The following ZNF385D variants were observed in gnomAD, a reference collection of about 807,000 sequenced individuals.
ZNF385D encodes zinc finger protein 659.
Under a neutral mutation model 35.8 loss-of-function variants are expected in ZNF385D, and 15 were observed. The observed-to-expected ratio is 0.42, with a 90% CI of 0.28 to 0.64. The LOEUF (loss-of-function observed/expected upper bound fraction) is 0.64. Ranked by LOEUF, ZNF385D falls within the 30% of genes least tolerant of loss-of-function variation. The pLI is 0.23. For missense variants in ZNF385D, 474 were observed against 494.6 expected (o/e 0.96, Z 0.39); for synonymous variants, 212 against 186.8 (o/e 1.13, Z -1.10).
At chr3:21,873,047 A>T (rs138784141) in intron 3 of ZNF385D, among the ~76,000 whole-genome samples, 1 of 152,174 alleles carries the variant, frequency 6.6e-6, no homozygotes, top group African/African-American at 2.4e-5. Context: ...CATATAATAA[A>T]ATTTAATTCT....
rs573078415 is a variant in ZNF385D at position 21,751,016 on chromosome 3, A to T, written c.-100T>A. On this transcript the variant is annotated 5_prime_UTR_variant, in exon 1 of 8. Transcript: ENST00000281523. ...CCCTTTCATGCTACATTCGGTGGAAATGTCCCCGGCGTGGAGAGCAGTGAG... is the reference window on the plus strand; with the variant it reads ...CCCTTTCATGCTACATTCGGTGGAATTGTCCCCGGCGTGGAGAGCAGTGAG... The T allele has an allele frequency of 4.4e-6, 7 of 1,604,604 alleles. No homozygotes were observed. The African/African-American group carries it at 5.4e-5, about 12-fold the overall frequency.
chr3:22,114,125 C>T (rs544393486), intron 3 of ZNF385D, among the ~76,000 whole-genome samples: 1 of 151,980 alleles, frequency 6.6e-6, no homozygotes, highest in African/African-American at 2.4e-5. Context: ...TTTACAGTAA[C>T]TGGATGAAAA....
At chr3:21,440,502 T>C (rs1018323645) in intron 4 of ZNF385D, among the ~76,000 whole-genome samples, 1 of 152,024 alleles carries the variant, frequency 6.6e-6, no homozygotes, top group African/African-American at 2.4e-5. Context: ...GAGAAATCAG[T>C]GTAACATGGG....
intron 4 of ZNF385D, among the ~76,000 whole-genome samples, chr3:21,472,624 C>T (rs192295287): frequency 2.8e-4 from 43 of 152,286 alleles, no homozygotes; most frequent in African/African-American, 1.0e-3. Flanking sequence ...TGCGAACAAA[C>T]TGCATCTTAA....
chr3:22,258,681 G>T (rs756455209), intron 2 of ZNF385D, among the ~76,000 whole-genome samples: 83 of 151,692 alleles, frequency 5.5e-4, no homozygotes, highest in Non-Finnish European at 5.0e-4. Flanking sequence ...TTCTATTTAT[G>T]TGGGTTATAT....
intron 2 of ZNF385D, among the ~76,000 whole-genome samples, chr3:22,349,337 A>G (rs1284300996): frequency 2.0e-5 from 3 of 152,180 alleles, no homozygotes; most frequent in African/African-American, 4.8e-5. Flanking sequence ...TCACAATGTG[A>G]ATAGTGTTCC....
chr3:22,245,498 A>G (rs1179731351), intron 2 of ZNF385D, among the ~76,000 whole-genome samples: 3 of 149,292 alleles, frequency 2.0e-5, no homozygotes, highest in Admixed American at 1.3e-4. Context: ...AAAAAAAAAT[A>G]CAAACCCAGA....
intron 3 of ZNF385D, among the ~76,000 whole-genome samples, chr3:21,928,244 A>G (rs1183990726): frequency 1.5e-5 from 2 of 137,656 alleles, no homozygotes; most frequent in Non-Finnish European, 3.1e-5. Flanking sequence ...AGACGGAAGG[A>G]AGAAAGGAAG....
intron 3 of ZNF385D, among the ~76,000 whole-genome samples, chr3:21,801,942 A>G (rs1376468573): frequency 2.6e-5 from 4 of 152,092 alleles, no homozygotes; most frequent in Non-Finnish European, 5.9e-5. Flanking sequence ...TAATGAAGCC[A>G]TGGGTGTTTT....
At chr3:22,047,830 T>C (rs966738200) in intron 3 of ZNF385D, among the ~76,000 whole-genome samples, 1 of 152,164 alleles carries the variant, frequency 6.6e-6, no homozygotes, top group African/African-American at 2.4e-5. Context: ...CATACTGTTT[T>C]CCATAATGGC....
At chr3:21,568,560 G>T (rs1260714838) in intron 2 of ZNF385D, among the ~76,000 whole-genome samples, 1 of 152,028 alleles carries the variant, frequency 6.6e-6, no homozygotes, top group East Asian at 1.9e-4. Context: ...ATTTGTGGTA[G>T]GCAGGAAAAA....
At chr3:22,001,550 A>G (rs1695847369) in intron 3 of ZNF385D, among the ~76,000 whole-genome samples, 1 of 152,146 alleles carries the variant, frequency 6.6e-6, no homozygotes, top group Admixed American at 6.5e-5. Flanking sequence ...GGGTACTTCA[A>G]TACTCCACTC....
chr3:22,324,259 A>G (rs1694573909), intron 2 of ZNF385D, among the ~76,000 whole-genome samples: 1 of 152,180 alleles, frequency 6.6e-6, no homozygotes, highest in South Asian at 2.1e-4. Flanking sequence ...TAATTAATGT[A>G]TAAATGTTTG....
In ZNF385D at chr3:22,010,716, A is replaced by G. The variant is rs367620064; in HGVS notation, c.325+158101T>C. On this transcript the variant is annotated intron_variant, in intron 3 of 5. Coordinates refer to the ZNF385D transcript ENST00000494108. ...TCACCTCGCTCAGAGCCAGAAGAGA[A>G]CCAGGTGAACTTTTTCCAGATGTAT... Among the ~76,000 whole-genome samples, 19 of 152,312 alleles carry G rather than the reference A, an allele frequency of 1.2e-4. No homozygotes were observed. In the South Asian group the frequency reaches 3.7e-3, roughly 30 times the overall value.
intron 1 of ZNF385D, among the ~76,000 whole-genome samples, chr3:21,708,704 T>G (rs1422990968): frequency 6.6e-6 from 1 of 152,234 alleles, no homozygotes; most frequent in South Asian, 2.1e-4. Context: ...CCCCTCATTC[T>G]AATATTTTTA....
intron 3 of ZNF385D, among the ~76,000 whole-genome samples, chr3:21,926,624 C>T (rs1277099274): frequency 3.9e-5 from 6 of 152,012 alleles, no homozygotes; most frequent in Non-Finnish European, 8.8e-5. Flanking sequence ...TAGATTGCTT[C>T]CTTACACCTT....
chr3:22,232,776 G>T (rs1698971666), intron 2 of ZNF385D, among the ~76,000 whole-genome samples: 1 of 152,062 alleles, frequency 6.6e-6, no homozygotes, highest in African/African-American at 2.4e-5. Context: ...TCTTTACCCA[G>T]TTTGTCATTA....
At chr3:21,692,664 C>A (rs1456811842) in intron 1 of ZNF385D, among the ~76,000 whole-genome samples, 1 of 152,200 alleles carries the variant, frequency 6.6e-6, no homozygotes, top group African/African-American at 2.4e-5. Flanking sequence ...CACAAGCACG[C>A]AGAACACCTA....
At chr3:22,171,367 A>C (rs1576440512) in intron 2 of ZNF385D, among the ~76,000 whole-genome samples, 2 of 152,280 alleles carry the variant, frequency 1.3e-5, no homozygotes, top group African/African-American at 2.4e-5. Context: ...ATATTGGAGA[A>C]TTTTCTTTCA....
Sources: allele counts gnomAD v4.1 joint callset (sites outside exome capture counted in the v4.1 genomes callset), GRCh38; gene constraint gnomAD v4.1.1; transcripts MANE v1.5; gene names NCBI Gene and HGNC (gene_info 2026-07-23, HGNC 2026-07-21).